The following SLC24A3 variants were observed in gnomAD, a reference collection of about 807,000 sequenced individuals.
SLC24A3 encodes the protein sodium/potassium/calcium exchanger 3.
A neutral mutation model predicts 75.8 loss-of-function variants in SLC24A3; 28 were observed. That is an observed-to-expected ratio of 0.37 (90% CI 0.27 to 0.51). The LOEUF (loss-of-function observed/expected upper bound fraction) is 0.51, where lower values mean the gene tolerates loss of function less well. Among genes scored for constraint, SLC24A3 ranks in the 20% least tolerant of loss-of-function variants. SLC24A3 has a pLI of 0.94. For synonymous variants in SLC24A3, 372 were observed against 334.1 expected, an observed-to-expected ratio of 1.11 and a Z score of -1.24; for missense variants, 663 against 847.8, an observed-to-expected ratio of 0.78 and a Z score of 2.71.
chr20:19,571,442 C>G (rs1368096630), intron 3 of SLC24A3, among the ~76,000 whole-genome samples: 1 of 151,952 alleles, frequency 6.6e-6, no homozygotes, highest in Non-Finnish European at 1.5e-5. Flanking sequence ...AAGGCATCTT[C>G]AAGGAGGAAG....
chr20:19,616,755 A>G (rs961511980), intron 6 of SLC24A3, among the ~76,000 whole-genome samples: 34 of 152,100 alleles, frequency 2.2e-4, no homozygotes, highest in African/African-American at 8.2e-4. Context: ...GGATGTCAGT[A>G]GGCCTCCCAC....
chr20:19,411,527 G>C (rs1331352321), intron 2 of SLC24A3, among the ~76,000 whole-genome samples: 1 of 152,186 alleles, frequency 6.6e-6, no homozygotes, highest in East Asian at 1.9e-4. Context: ...GCATCCAGCA[G>C]CAAGAAGGAA....
At chr20:19,712,451 G>A (rs2033002345) in intron 15 of SLC24A3, among the ~76,000 whole-genome samples, 1 of 152,084 alleles carries the variant, frequency 6.6e-6, no homozygotes, top group African/African-American at 2.4e-5. Context: ...ACTTGGAAGA[G>A]GCAAAAGGAC....
Position 19,295,388 on chromosome 20 carries a change from A to G in SLC24A3, c.271+14301A>G, listed in dbSNP as rs903175438. Among the ~76,000 whole-genome samples, 4 of 152,216 alleles carry G rather than the reference A, an allele frequency of 2.6e-5. No homozygotes were observed. The East Asian group carries it at 7.7e-4, about 29-fold the overall frequency. On this transcript the variant is annotated intron_variant, in intron 2 of 16. Coordinates refer to ENST00000328041, the MANE Select transcript of SLC24A3 (RefSeq NM_020689.4). The stretch of plus-strand genomic sequence containing the variant: ...TGCCCTGGCCAGAACTTCCACTACT[A>G]TGTTGAATAGGGGTGGTGAGATGGG...
chr20:19,468,794 A>T (rs963537261), intron 2 of SLC24A3, among the ~76,000 whole-genome samples: 1 of 152,172 alleles, frequency 6.6e-6, no homozygotes, highest in African/African-American at 2.4e-5. Context: ...CATGGCCTGA[A>T]GTTTAGCCAG....
intron 6 of SLC24A3, among the ~76,000 whole-genome samples, chr20:19,647,668 A>G (rs887940595): frequency 6.6e-6 from 1 of 152,228 alleles, no homozygotes. Flanking sequence ...ACTTACACTT[A>G]ACATGAAAAC....
intron 8 of SLC24A3, among the ~76,000 whole-genome samples, chr20:19,671,643 T>G (rs1170318492): frequency 9.7e-6 from 1 of 103,394 alleles, no homozygotes; most frequent in East Asian, 2.1e-4. Flanking sequence ...TTGGTTTTTT[T>G]TTTGTTTTTT....
chr20:19,264,299 C>A (rs1382909819), intron 1 of SLC24A3: 1 of 152,246 alleles, frequency 6.6e-6, no homozygotes, highest in Non-Finnish European at 1.5e-5. Context: ...CAAGACAGAC[C>A]CTCGGCTCTC....
intron 3 of SLC24A3, among the ~76,000 whole-genome samples, chr20:19,571,819 C>T (rs947094306): frequency 3.3e-5 from 5 of 152,158 alleles, no homozygotes; most frequent in Non-Finnish European, 1.5e-5. Context: ...TCCCATGTAC[C>T]TTAGGAAGGC....
chr20:19,547,656 C>G (rs1021597396), intron 3 of SLC24A3, among the ~76,000 whole-genome samples: 4 of 152,242 alleles, frequency 2.6e-5, no homozygotes, highest in Non-Finnish European at 2.9e-5. Context: ...GAGATGTGCA[C>G]TATCAGCAGA....
rs751457027 is a variant in SLC24A3 at position 19,684,132 on chromosome 20, C to T, written c.902-44C>T. The T allele has an allele frequency of 2.6e-5, 42 of 1,593,876 alleles. No homozygotes were observed. In the East Asian group the frequency reaches 4.3e-4, roughly 16 times the overall value. On this transcript the variant is annotated intron_variant, in intron 10 of 16. Transcript: ENST00000328041. The stretch of plus-strand genomic sequence containing the variant: ...AATAAATGAATGCCTCTTTCCTGCT[C>T]CTGGCCTCCATGTTATTTTACCTTA...
intron 15 of SLC24A3, 111 bp from the exon 16 acceptor site, chr20:19,717,417 G>T: frequency 1.0e-6 from 1 of 966,530 alleles, no homozygotes; most frequent in Non-Finnish European, 1.6e-6. Context: ...CTAGAGGGGA[G>T]ATGTGGAATC....
At position 19,422,446 on chromosome 20, in the gene SLC24A3, C is replaced by A. The variant is rs1429434071; in HGVS notation, c.272-93042C>A. ...CCTCCATGGTTCTGGCCTGATGTAT[C>A]CCAGAAAGAACTGAGGATGCTTGTG... On this transcript the variant is annotated intron_variant, in intron 2 of 16. Coordinates refer to ENST00000328041, the MANE Select transcript of SLC24A3 (RefSeq NM_020689.4). 3.3e-5 allele frequency among the ~76,000 whole-genome samples: 5 copies of A among 152,098 alleles called. No homozygotes were observed. In the South Asian group the frequency reaches 1.0e-3, roughly 32 times the overall value.
chr20:19,550,562 T>C (rs891917834), intron 3 of SLC24A3, among the ~76,000 whole-genome samples: 1 of 152,136 alleles, frequency 6.6e-6, no homozygotes, highest in African/African-American at 2.4e-5. Flanking sequence ...GTGTGTATAC[T>C]TGTGTGTGTG....
intron 2 of SLC24A3, among the ~76,000 whole-genome samples, chr20:19,428,105 C>A (rs575914494): frequency 1.5e-4 from 23 of 152,234 alleles, no homozygotes; most frequent in Non-Finnish European, 3.2e-4. Context: ...TTCTTGCCAC[C>A]TTGCACTGTG....
At chr20:19,663,004 T>C (rs568407404) in intron 7 of SLC24A3, among the ~76,000 whole-genome samples, 1 of 152,312 alleles carries the variant, frequency 6.6e-6, no homozygotes, top group South Asian at 2.1e-4. Flanking sequence ...ATAACAGCAC[T>C]GAATGTTCAC....
chr20:19,617,990 T>A (rs1306173408), intron 6 of SLC24A3, among the ~76,000 whole-genome samples: 1 of 151,042 alleles, frequency 6.6e-6, no homozygotes, highest in Non-Finnish European at 1.5e-5. Flanking sequence ...TGTGTTTTTG[T>A]TTTTTGTTTT....
chr20:19,552,617 A>G (rs2122600768), intron 3 of SLC24A3, among the ~76,000 whole-genome samples: 1 of 152,270 alleles, frequency 6.6e-6, no homozygotes, highest in South Asian at 2.1e-4. Flanking sequence ...GCTGAATACA[A>G]TTTCATTATG....
chr20:19,581,371 G>C (rs543628267), intron 4 of SLC24A3, among the ~76,000 whole-genome samples: 38 of 152,234 alleles, frequency 2.5e-4, no homozygotes, highest in African/African-American at 8.9e-4. Context: ...TTTTTGGTGT[G>C]AATATCAAAA....
Sources: gnomAD v4.1 joint callset for allele counts (sites outside exome capture counted in the v4.1 genomes callset) on GRCh38, gnomAD v4.1.1 for gene constraint, MANE v1.5 for transcripts, NCBI Gene and HGNC (gene_info 2026-07-23, HGNC 2026-07-21) for gene names.